The following CNGB1 variants were observed in gnomAD, a reference collection of about 807,000 sequenced individuals.
CNGB1 encodes the protein cyclic nucleotide-gated channel beta-1.
In CNGB1, 126 loss-of-function variants were observed where a neutral mutation model predicts 151.7. The ratio of observed to expected loss-of-function variants is 0.83; its 90% CI spans 0.72 to 0.96. The LOEUF is 0.96. Ranked by LOEUF, CNGB1 falls within the 40% of genes least tolerant of loss-of-function variation. CNGB1 has a pLI of 0.00. For synonymous variants in CNGB1, 623 were observed against 635.1 expected (o/e 0.98, Z 0.29); for missense variants, 1,698 against 1,627.0 (o/e 1.04, Z -0.75).
chr16:57,896,268 C>T (rs1482864562), intron 31 of CNGB1, among the ~76,000 whole-genome samples: 7 of 152,058 alleles, frequency 4.6e-5, no homozygotes, highest in Middle Eastern at 3.2e-3. Context: ...TAAAAATCAT[C>T]GATATTGGGA....
At chr16:57,955,246 G>T in intron 12 of CNGB1, 1 of 1,545,282 alleles carries the variant, frequency 6.5e-7, no homozygotes, top group Non-Finnish European at 8.7e-7. Flanking sequence ...GGGTGTCAGT[G>T]GCCACCTCCC....
chr16:57,929,238 A>G lies in CNGB1; in HGVS notation c.1535+2478T>C, dbSNP rs1961274361. ...CATACAAATGGCTGGCAGGAATATG[A>G]AAAGCTACTCGACATCACTAATCGT... is the stretch of plus-strand genomic sequence containing the variant. On this transcript the variant is annotated intron_variant, in intron 17 of 32. Transcript: ENST00000251102. Among the ~76,000 whole-genome samples the G allele has an allele frequency of 2.0e-5, 3 of 152,246 alleles. No homozygotes were observed. The South Asian group carries it at 6.2e-4, about 32-fold the overall frequency.
At chr16:57,892,117 GACACCTCTTCGCAGT>G (rs1960107765) in intron 31 of CNGB1, among the ~76,000 whole-genome samples, 1 of 136,884 alleles carries the variant, frequency 7.3e-6, no homozygotes, top group African/African-American at 2.7e-5. Context: ...ACCATAAAAA[GACACCTCTTCGCAGT>G]ACAAGAGCTA....
In CNGB1 at chr16:57,883,912, T is replaced by G. The variant is rs1959824205; in HGVS notation, c.*252A>C. 1 of 594,484 alleles carries G rather than the reference T, an allele frequency of 1.7e-6. No homozygotes were observed. The highest frequency in any genetic ancestry group is 1.9e-5 in the African/African-American group (1 of 53,644). 36.8% of individuals were successfully genotyped at this position (594,484 alleles called of 1,614,324 possible). A position where few individuals can be genotyped will look rare whatever the true frequency, so the allele number is the denominator to read the frequency against. On this transcript the variant is annotated 3_prime_UTR_variant, in exon 33 of 33. Coordinates refer to ENST00000251102, the MANE Select transcript of CNGB1 (RefSeq NM_001297.5). ...GAACAGTCAGGAAAAGGTAGGGCTC[T>G]CAAATGATAGTGAGAGCTCAGGGAC...
intron 21 of CNGB1, among the ~76,000 whole-genome samples, chr16:57,916,460 T>C (rs946272259): frequency 6.6e-6 from 1 of 152,238 alleles, no homozygotes; most frequent in Non-Finnish European, 1.5e-5. Flanking sequence ...CTGGACCATT[T>C]GCACATCTGT....
chr16:57,890,946 C>A (rs11862724), intron 31 of CNGB1, among the ~76,000 whole-genome samples: 6 of 152,338 alleles, frequency 3.9e-5, no homozygotes, highest in African/African-American at 1.4e-4. Context: ...TAGCCCCATT[C>A]CTTCGCCTGG....
At chr16:57,902,992 T>C (rs148506702) in intron 27 of CNGB1, among the ~76,000 whole-genome samples, 16 of 152,208 alleles carry the variant, frequency 1.1e-4, no homozygotes, top group Non-Finnish European at 1.6e-4. Flanking sequence ...CGTAGTCTTG[T>C]AGCTCGAGGG....
chr16:57,888,230 A>G (rs1481514890), intron 31 of CNGB1, among the ~76,000 whole-genome samples, 156 bp from the exon 32 acceptor site: 3 of 152,146 alleles, frequency 2.0e-5, no homozygotes, highest in African/African-American at 7.2e-5. Context: ...CGTGTTAAGT[A>G]CTTTATGCAT....
Position 57,911,736 on chromosome 16 carries a change from G to T in CNGB1, c.2492+17C>A. 1 of 1,613,584 alleles carries T rather than the reference G, an allele frequency of 6.2e-7. No individual in the cohort carries two copies. The highest frequency in any genetic ancestry group is 8.5e-7 in the Non-Finnish European group (1 of 1,179,730). On this transcript the variant is annotated intron_variant, in intron 25 of 32. Coordinates refer to ENST00000251102, the MANE Select transcript of CNGB1 (RefSeq NM_001297.5). ...AGGTCACCCAGGCATGGCCCCAGGG[G>T]GAGGACTGTGGCTCACCTGTTTCCC...
At chr16:57,962,471 C>G in intron 7 of CNGB1, 94 bp downstream of exon 7, 1 of 1,124,488 alleles carries the variant, frequency 8.9e-7, no homozygotes, top group Non-Finnish European at 1.4e-6. Context: ...AGGTCACACC[C>G]TGAGGTGGTA....
At chr16:57,943,192 GA>G (rs1343386676) in intron 14 of CNGB1, among the ~76,000 whole-genome samples, 2 of 151,984 alleles carry the variant, frequency 1.3e-5, no homozygotes, top group Admixed American at 6.6e-5. Flanking sequence ...CAATTGTAAG[GA>G]AAAAAACTGA....
At chr16:57,917,111 T>C (rs1174226561) in intron 21 of CNGB1, among the ~76,000 whole-genome samples, 157 bp downstream of exon 21, 1 of 152,170 alleles carries the variant, frequency 6.6e-6, no homozygotes, top group East Asian at 1.9e-4. Flanking sequence ...GCATGCAAAA[T>C]AAACAACCAT....
intron 31 of CNGB1, among the ~76,000 whole-genome samples, chr16:57,888,391 C>T (rs1477077127): frequency 6.6e-6 from 1 of 151,714 alleles, no homozygotes; most frequent in African/African-American, 2.4e-5. Context: ...TCCTTTCTGT[C>T]TCTCTCTCTC....
intron 21 of CNGB1, among the ~76,000 whole-genome samples, chr16:57,916,534 T>C (rs1263384339): frequency 6.6e-6 from 1 of 152,254 alleles, no homozygotes; most frequent in Non-Finnish European, 1.5e-5. Flanking sequence ...GAAATCTCTT[T>C]ACTTTTTACT....
rs748291837 is a variant in CNGB1, at chr16:57,884,253, C to A, written c.3667G>T (p.Val1223Leu). The change falls in exon 33 of 33, where the codon GTG (valine) becomes TTG (leucine). Residue 1223 changes from valine (V) to leucine (L), a missense_variant. Transcript: ENST00000251102. ...EGPAEPEEHSVRICMSPGPEP... is the reference protein window; with the variant it reads ...EGPAEPEEHSLRICMSPGPEP... ...GGGCCCGGGCTCATGCAGATCCTCA[C>A]CGAGTGCTCTTCGGGCTCGGCCGGC... The A allele has an allele frequency of 1.9e-6, 3 of 1,613,884 alleles. No homozygotes were observed. The East Asian group carries it at 6.7e-5, about 36-fold the overall frequency.
intron 27 of CNGB1, 117 bp downstream of exon 27, chr16:57,903,705 G>T: frequency 7.9e-7 from 1 of 1,272,288 alleles, no homozygotes; most frequent in Non-Finnish European, 1.1e-6. Context: ...ACAGGCCCCA[G>T]TACTCGGGAC....
chr16:57,958,613 C>T (rs915494669), intron 10 of CNGB1, 128 bp from the exon 11 acceptor site: 1 of 755,354 alleles, frequency 1.3e-6, no homozygotes. Context: ...GAGCCAGAGC[C>T]CAGGTCTCCA....
At chr16:57,920,249 T>C in intron 19 of CNGB1, 138 bp downstream of exon 19, 2 of 951,648 alleles carry the variant, frequency 2.1e-6, no homozygotes, top group Non-Finnish European at 3.2e-6. Flanking sequence ...GGATCCCAAA[T>C]CCAGAGAGTG....
At chr16:57,923,230 C>T in intron 18 of CNGB1, 43 bp downstream of exon 18, 1 of 1,310,716 alleles carries the variant, frequency 7.6e-7, no homozygotes, top group Non-Finnish European at 1.1e-6. Context: ...CCCCCACCCT[C>T]CCCGCAGTCT....
Sources: allele counts gnomAD v4.1 joint callset (sites outside exome capture counted in the v4.1 genomes callset), GRCh38; gene constraint gnomAD v4.1.1; transcripts MANE v1.5; gene names NCBI Gene and HGNC (gene_info 2026-07-23, HGNC 2026-07-21).